CCDC88C: variants seen among roughly 807,000 people sequenced by gnomAD.
CCDC88C encodes protein Daple.
In CCDC88C, 131 loss-of-function variants were observed where a neutral mutation model predicts 198.8. The ratio of observed to expected loss-of-function variants is 0.66; its 90% CI spans 0.57 to 0.76. The LOEUF (loss-of-function observed/expected upper bound fraction) is 0.76, where lower values mean the gene tolerates loss of function less well. CCDC88C is among the 30% of genes least tolerant of loss of function. The pLI, the probability that CCDC88C is intolerant of heterozygous loss-of-function variation, is 0.00. For missense variants in CCDC88C, 2,553 were observed against 2,631.6 expected (o/e 0.97, Z 0.65); for synonymous variants, 1,166 against 1,114.7 (o/e 1.05, Z -0.92).
At chr14:91,417,397 G>T in intron 1 of CCDC88C, 1 of 572,778 alleles carries the variant, frequency 1.7e-6, no homozygotes, top group Non-Finnish European at 3.1e-6. Flanking sequence ...CTCCTGGCCC[G>T]GCCGAAAGCG....
intron 3 of CCDC88C, among the ~76,000 whole-genome samples, chr14:91,393,802 C>T (rs1484085008): frequency 6.6e-6 from 1 of 152,126 alleles, no homozygotes; most frequent in Admixed American, 6.5e-5. Flanking sequence ...TGCAGTGAGC[C>T]GAGATCGCAC....
At chr14:91,351,639 G>A (rs555751680) in intron 4 of CCDC88C, among the ~76,000 whole-genome samples, 39 of 152,024 alleles carry the variant, frequency 2.6e-4, no homozygotes, top group Admixed American at 2.3e-3. Context: ...CCCACCCCCC[G>A]GCATTAACAT....
intron 4 of CCDC88C, among the ~76,000 whole-genome samples, chr14:91,358,934 C>T (rs1596109645): frequency 6.6e-6 from 1 of 152,178 alleles, no homozygotes; most frequent in Non-Finnish European, 1.5e-5. Flanking sequence ...GCATGAACCT[C>T]GCAGGACCCC....
chr14:91,413,391 A>G (rs1886887450), intron 2 of CCDC88C, among the ~76,000 whole-genome samples: 2 of 152,214 alleles, frequency 1.3e-5, no homozygotes, highest in African/African-American at 4.8e-5. Flanking sequence ...TGCCCAACAT[A>G]ATAACACTAG....
At position 91,417,718 on chromosome 14, in the gene CCDC88C, C is replaced by G; in HGVS notation, c.-28G>C. ...TGAGGCTGCGCCCGCCGGCTCCGCG[C>G]CCCCCGCCCCGCGTCCCCGTTCCCC... On this transcript the variant is annotated 5_prime_UTR_variant, in exon 1 of 30. Coordinates refer to ENST00000389857, the MANE Select transcript of CCDC88C (RefSeq NM_001080414.4). 1 of 1,479,706 alleles carries G rather than the reference C, an allele frequency of 6.8e-7. No individual in the cohort carries two copies. Among genetic ancestry groups the G allele is most frequent in the South Asian group, 1.3e-5 (1 of 77,442 alleles). 91.7% of individuals were successfully genotyped at this position (1,479,706 alleles called of 1,614,324 possible). A position where few individuals can be genotyped will look rare whatever the true frequency, so the allele number is the denominator to read the frequency against.
At chr14:91,334,697 A>T (rs939408611) in intron 10 of CCDC88C, among the ~76,000 whole-genome samples, 2 of 150,244 alleles carry the variant, frequency 1.3e-5, no homozygotes, top group African/African-American at 2.4e-5. Flanking sequence ...CTTATTTATT[A>T]AAAGCAAACA....
intron 3 of CCDC88C, among the ~76,000 whole-genome samples, chr14:91,397,571 C>T (rs1402516463): frequency 6.6e-6 from 1 of 152,240 alleles, no homozygotes; most frequent in African/African-American, 2.4e-5. Flanking sequence ...ACCTTTCGCC[C>T]TCTGCAACAC....
At chr14:91,350,105 T>C (rs1286091043) in intron 4 of CCDC88C, among the ~76,000 whole-genome samples, 2 of 151,942 alleles carry the variant, frequency 1.3e-5, no homozygotes, top group Non-Finnish European at 2.9e-5. Flanking sequence ...ATGTGTATAG[T>C]CCTTTTTGAC....
At chr14:91,397,545 T>C (rs960476150) in intron 3 of CCDC88C, among the ~76,000 whole-genome samples, 1 of 152,228 alleles carries the variant, frequency 6.6e-6, no homozygotes, top group Non-Finnish European at 1.5e-5. Flanking sequence ...CCAACTCTGC[T>C]AATTACATCA....
intron 3 of CCDC88C, among the ~76,000 whole-genome samples, chr14:91,395,578 G>A (rs886239486): frequency 2.6e-5 from 4 of 151,970 alleles, no homozygotes; most frequent in African/African-American, 7.3e-5. Flanking sequence ...TCTGGCCTTC[G>A]GGTAACCAAA....
chr14:91,327,055 C>G (rs1249887542), intron 10 of CCDC88C, among the ~76,000 whole-genome samples: 2 of 152,202 alleles, frequency 1.3e-5, no homozygotes, highest in Admixed American at 6.5e-5. Context: ...GGCTTCTCTT[C>G]TCCTGGGCCC....
chr14:91,300,046 CT>C lies in CCDC88C; in HGVS notation c.3659del (p.Lys1220ArgfsTer11). On this transcript the variant is annotated frameshift_variant, in exon 21 of 30. Coordinates refer to ENST00000389857, the MANE Select transcript of CCDC88C (RefSeq NM_001080414.4). LOFTEE classifies it high-confidence loss of function. The stretch of plus-strand genomic sequence containing the variant: ...CCTTCTCCCGCTCCTCCAGCTCCGC[CT>C]TGCGCTTCAGCATGTCACCGTGCCT... Reference protein sequence around the residue: ...GERHGDMLKRKAELEEREKVL... With the variant: ...GERHGDMLKRXAELEEREKVL... 6.2e-7 allele frequency: 1 copy of C among 1,608,150 alleles called. No homozygotes were observed.
In CCDC88C at chr14:91,297,470, C is replaced by T. The variant is rs1362153767; in HGVS notation, c.3801G>A (p.Gln1267=). The T allele has an allele frequency of 1.3e-6, 2 of 1,562,012 alleles. No homozygotes were observed. Among genetic ancestry groups the T allele is most frequent in the Non-Finnish European group, 1.7e-6 (2 of 1,152,862 alleles). Residue 1267 remains glutamine, a synonymous_variant, in exon 22 of 30, where the codon CAG becomes CAA. Coordinates refer to ENST00000389857, the MANE Select transcript of CCDC88C (RefSeq NM_001080414.4). ...GCAGCTCCTCGTACTCCCCCTTCAG[C>T]TGGTGGTGCAGGAAATTGACCCTGG... ...ELDRVNFLHH[Q]LKGEYEELHA...
intron 10 of CCDC88C, among the ~76,000 whole-genome samples, chr14:91,337,694 T>C (rs1302103494): frequency 6.6e-6 from 1 of 152,190 alleles, no homozygotes; most frequent in African/African-American, 2.4e-5. Context: ...CCACAGAAAT[T>C]GCAAGAAGTC....
At chr14:91,327,258 A>C (rs1892618833) in intron 10 of CCDC88C, among the ~76,000 whole-genome samples, 1 of 152,156 alleles carries the variant, frequency 6.6e-6, no homozygotes, top group Non-Finnish European at 1.5e-5. Context: ...TCATCTTCCT[A>C]TGTGGGCCAG....
intron 10 of CCDC88C, among the ~76,000 whole-genome samples, chr14:91,336,970 T>C (rs894984772): frequency 3.9e-5 from 6 of 152,224 alleles, no homozygotes; most frequent in Non-Finnish European, 7.3e-5. Context: ...AGGAGAGACG[T>C]TGGGATTATT....
intron 23 of CCDC88C, among the ~76,000 whole-genome samples, 151 bp from the exon 24 acceptor site, chr14:91,291,235 G>C (rs1230088516): frequency 6.6e-6 from 1 of 152,236 alleles, no homozygotes; most frequent in African/African-American, 2.4e-5. Context: ...TGGTCACTGA[G>C]TTTGGAATAC....
chr14:91,302,605 TG>T (rs1355937613), intron 20 of CCDC88C, among the ~76,000 whole-genome samples: 3 of 152,170 alleles, frequency 2.0e-5, no homozygotes, highest in African/African-American at 7.2e-5. Flanking sequence ...TGCATTTCAA[TG>T]TAAGTTTTAC....
At chr14:91,404,462 C>T (rs1260383575) in intron 3 of CCDC88C, among the ~76,000 whole-genome samples, 1 of 152,164 alleles carries the variant, frequency 6.6e-6, no homozygotes, top group African/African-American at 2.4e-5. Flanking sequence ...TCCAGTGGTT[C>T]CCATGGGCAT....
Sources: allele counts gnomAD v4.1 joint callset (sites outside exome capture counted in the v4.1 genomes callset), GRCh38; gene constraint gnomAD v4.1.1; transcripts MANE v1.5; gene names NCBI Gene and HGNC (gene_info 2026-07-23, HGNC 2026-07-21).